The following ZNF484 variants were observed in gnomAD, a reference collection of about 807,000 sequenced individuals.
ZNF484 encodes the protein KRAB box containing C2H2 type zinc finger bA526D8.4.
ZNF484 carries 11 observed loss-of-function variants against 12.9 expected under a neutral mutation model. The ratio of observed to expected loss-of-function variants is 0.85; its 90% CI spans 0.54 to 1.41. ZNF484 has a LOEUF of 1.41. ZNF484 is among the 40% of genes most tolerant of loss of function. ZNF484 has a pLI of 0.00. For missense variants in ZNF484, 807 were observed against 1,007.7 expected (o/e 0.80, Z 2.70); for synonymous variants, 289 against 334.1 (o/e 0.86, Z 1.47).
At chr9:92,849,682 T>C (rs1305542490) in intron 4 of ZNF484, among the ~76,000 whole-genome samples, 1 of 151,998 alleles carries the variant, frequency 6.6e-6, no homozygotes, top group Non-Finnish European at 1.5e-5. Flanking sequence ...TCCCAGCTAC[T>C]TAGGAGGCTG....
Position 92,855,841 on chromosome 9 carries a change from C to T in ZNF484, c.205G>A (p.Asp69Asn), listed in dbSNP as rs1269472415. Reference sequence around the variant, plus strand: ...CGGCTCTGACTGGGGATCTCACCATCCAACATACATGGCTCTTCTTGTTCC... The same window carrying T: ...CGGCTCTGACTGGGGATCTCACCATTCAACATACATGGCTCTTCTTGTTCC... ...SLEQEEPCML[D>N]GEIPSQSRPD... Residue 69 changes from aspartate (D) to asparagine (N), a missense_variant, in exon 4 of 5, where the codon GAT (aspartate) becomes AAT (asparagine). Asp to Asn is a conservative substitution (Grantham distance 23). Coordinates refer to ENST00000375495, the MANE Select transcript of ZNF484 (RefSeq NM_031486.4). 1.2e-6 allele frequency: 2 copies of T among 1,614,144 alleles called. No homozygotes were observed. The highest frequency in any genetic ancestry group is 1.7e-6 in the Non-Finnish European group (2 of 1,180,014).
At chr9:92,853,310 G>C (rs138430348) in intron 4 of ZNF484, among the ~76,000 whole-genome samples, 1 of 152,328 alleles carries the variant, frequency 6.6e-6, no homozygotes, top group African/African-American at 2.4e-5. Flanking sequence ...AGATGGATTA[G>C]AGGGAAAAGT....
At chr9:92,871,170 TAAAA>T (rs1163414727) in intron 2 of ZNF484, among the ~76,000 whole-genome samples, 2 of 152,032 alleles carry the variant, frequency 1.3e-5, no homozygotes, top group Non-Finnish European at 2.9e-5. Flanking sequence ...GTAGTCCTCA[TAAAA>T]ATGTTTTAAC....
intron 4 of ZNF484, among the ~76,000 whole-genome samples, chr9:92,852,087 A>G (rs1171044608): frequency 1.3e-5 from 2 of 152,248 alleles, no homozygotes; most frequent in African/African-American, 2.4e-5. Context: ...TCCTCTGCTT[A>G]TAACACAAAT....
In ZNF484 at chr9:92,847,835, G is replaced by A. The variant is rs748597457; in HGVS notation, c.952C>T (p.Arg318Cys). The change falls in exon 5 of 5, where the codon CGT (arginine) becomes TGT (cysteine). Residue 318 changes from arginine (R) to cysteine (C), a missense_variant. Arg to Cys is a radical substitution (Grantham distance 180). Transcript: ENST00000375495. ...TTCCCCTCATAAGGAGTTTTCTGACGGTTTGACTTGAGGGAAAAATCCTTC... is the reference window on the plus strand; with the variant it reads ...TTCCCCTCATAAGGAGTTTTCTGACAGTTTGACTTGAGGGAAAAATCCTTC... ...YEKDFSLKSNRQKTPYEGNYY... is the reference protein window; with the variant it reads ...YEKDFSLKSNCQKTPYEGNYY... 5.2e-5 allele frequency: 84 copies of A among 1,613,936 alleles called. No homozygotes were observed. Among genetic ancestry groups the A allele is most frequent in the East Asian group, 6.7e-5 (3 of 44,888 alleles).
chr9:92,845,930 A>G lies in ZNF484; in HGVS notation c.*298T>C. The G allele has an allele frequency of 3.1e-6, 1 of 319,506 alleles. No individual in the cohort carries two copies. The allele number at this position is 319,506 out of a possible 1,614,324, so 19.8% of individuals were successfully genotyped here. On this transcript the variant is annotated 3_prime_UTR_variant, in exon 5 of 5. Coordinates refer to ENST00000375495, the MANE Select transcript of ZNF484 (RefSeq NM_031486.4). The surrounding 1 kb of genome is among the most constrained non-coding windows in gnomAD (Gnocchi z 4.0). ...GTCCTTAGGCTGCTTAGACAATGTA[A>G]AATTATCTCATCATACTACTCATTA...
chr9:92,858,801 G>C (rs866627725), intron 2 of ZNF484, among the ~76,000 whole-genome samples: 1 of 152,020 alleles, frequency 6.6e-6, no homozygotes, highest in Non-Finnish European at 1.5e-5. Context: ...AATATAAAAA[G>C]TCAAGAAAGG....
intron 2 of ZNF484, among the ~76,000 whole-genome samples, chr9:92,859,093 A>T (rs10739930): frequency 0.68 from 102,638 of 151,946 alleles, 35,740 homozygotes; most frequent in African/African-American, 0.84. Flanking sequence ...ACCACTGCAC[A>T]CCAGCCTGGG....
intron 2 of ZNF484, among the ~76,000 whole-genome samples, chr9:92,865,365 C>T (rs1033381368): frequency 6.6e-5 from 10 of 152,110 alleles, no homozygotes; most frequent in African/African-American, 2.4e-4. Context: ...ATGAATCAAG[C>T]AATTCTCAAA....
At position 92,847,547 on chromosome 9, in the gene ZNF484, A is replaced by G. The variant is rs1855738057; in HGVS notation, c.1240T>C (p.Cys414Arg). The change falls in exon 5 of 5, where the codon TGT (cysteine) becomes CGT (arginine). Residue 414 changes from cysteine to arginine, a missense_variant. Coordinates refer to ENST00000375495, the MANE Select transcript of ZNF484 (RefSeq NM_031486.4). ...KIHTGEKPYV[C>R]TECGKAFIRK... ...ATAAAGGCCTTCCCACATTCAGTACATACATAAGGTTTTTCTCCTGTATGG... is the reference window on the plus strand; with the variant it reads ...ATAAAGGCCTTCCCACATTCAGTACGTACATAAGGTTTTTCTCCTGTATGG... The G allele has an allele frequency of 6.2e-7, 1 of 1,614,076 alleles. No homozygotes were observed. Among genetic ancestry groups the G allele is most frequent in the Non-Finnish European group, 8.5e-7 (1 of 1,180,000 alleles).
At chr9:92,874,009 T>C (rs140632938) in intron 2 of ZNF484, among the ~76,000 whole-genome samples, 75 of 152,312 alleles carry the variant, frequency 4.9e-4, no homozygotes, top group Non-Finnish European at 6.3e-4. Flanking sequence ...AATCAATCAA[T>C]GTAATCTACC....
chr9:92,871,144 T>G (rs1449032229), intron 2 of ZNF484, among the ~76,000 whole-genome samples: 1 of 152,170 alleles, frequency 6.6e-6, no homozygotes, highest in African/African-American at 2.4e-5. Context: ...CAGAATTATT[T>G]CATAAGGATT....
intron 2 of ZNF484, among the ~76,000 whole-genome samples, chr9:92,857,274 G>T (rs570908930): frequency 1.3e-4 from 20 of 152,200 alleles, no homozygotes; most frequent in Admixed American, 7.9e-4. Context: ...GACTTATTCA[G>T]TCACTCTGAC....
At chr9:92,877,840 T>A (rs1441140579) in intron 1 of ZNF484, 50 bp downstream of exon 1, 23 of 1,535,748 alleles carry the variant, frequency 1.5e-5, no homozygotes, top group Non-Finnish European at 2.0e-5. Context: ...AGGACAGACA[T>A]CAGAGATTCT....
chr9:92,847,530 C>T lies in ZNF484; in HGVS notation c.1257G>A (p.Lys419=). 2 of 1,613,534 alleles carry T rather than the reference C, an allele frequency of 1.2e-6. No individual in the cohort carries two copies. The highest frequency in any genetic ancestry group is 1.7e-6 in the Non-Finnish European group (2 of 1,179,840). The part of the protein sequence containing the change: ...EKPYVCTECG[K]AFIRKSHFIT... Reference sequence around the variant, plus strand: ...TAAAATGTGACTTCCGGATAAAGGCCTTCCCACATTCAGTACATACATAAG... The same window carrying T: ...TAAAATGTGACTTCCGGATAAAGGCTTTCCCACATTCAGTACATACATAAG... Residue 419 remains lysine, a synonymous_variant, in exon 5 of 5, where the codon AAG becomes AAA. Transcript: ENST00000375495.
Position 92,848,186 on chromosome 9 carries a change from A to C in ZNF484, c.601T>G (p.Ser201Ala), listed in dbSNP as rs1421305583. Residue 201 changes from serine (S) to alanine (A), a missense_variant, in exon 5 of 5, where the codon TCT becomes GCT. Transcript: ENST00000375495. This position sits in a 1 kb window ranked among gnomAD's most constrained non-coding sequence, Gnocchi z 4.1. The part of the protein sequence containing the change: ...LYNRNNATEN[S>A]DKTIGDGDIF... ...TCACCATCTCCAATAGTCTTATCAG[A>C]ATTTTCTGTTGCATTGTTTCTATTA... 1.2e-6 allele frequency: 2 copies of C among 1,614,034 alleles called. No individual in the cohort carries two copies. The highest frequency in any genetic ancestry group is 2.2e-5 in the South Asian group (2 of 91,046).
Position 92,847,113 on chromosome 9 carries a change from C to T in ZNF484, c.1674G>A (p.Gly558=). The T allele has an allele frequency of 1.2e-6, 2 of 1,614,070 alleles. No individual in the cohort carries two copies. Reference sequence around the variant, plus strand: ...ATGTTGACTTCTGAATGAATGCTTTCCCACATTCACTGCATTCATAATGTC... The same window carrying T: ...ATGTTGACTTCTGAATGAATGCTTTTCCACATTCACTGCATTCATAATGTC... ...GERHYECSEC[G]KAFIQKSTLS... The change falls in exon 5 of 5, where the codon GGG becomes GGA. Residue 558 remains glycine (G), a synonymous_variant. Transcript: ENST00000375495.
At chr9:92,857,727 A>G (rs1406879312) in intron 2 of ZNF484, among the ~76,000 whole-genome samples, 1 of 152,272 alleles carries the variant, frequency 6.6e-6, no homozygotes. Flanking sequence ...ATTTGCTAAC[A>G]TAAGGAAAGA....
At chr9:92,874,501 G>C (rs1425586030) in intron 2 of ZNF484, among the ~76,000 whole-genome samples, 1 of 151,832 alleles carries the variant, frequency 6.6e-6, no homozygotes, top group Non-Finnish European at 1.5e-5. Flanking sequence ...TAGTGCAGAC[G>C]GGGTTTCACC....
Sources: allele counts gnomAD v4.1 joint callset (sites outside exome capture counted in the v4.1 genomes callset), GRCh38; gene constraint gnomAD v4.1.1; non-coding constraint Gnocchi (gnomAD v3.1); transcripts MANE v1.5; gene names NCBI Gene and HGNC (gene_info 2026-07-23, HGNC 2026-07-21).